NRG1: variants seen among roughly 807,000 people sequenced by gnomAD.
NRG1 encodes neuregulin 1, also known as pro-neuregulin-1, membrane-bound isoform.
In NRG1, 18 loss-of-function variants were observed where a neutral mutation model predicts 63.8. The observed-to-expected ratio is 0.28, with a 90% CI of 0.19 to 0.42. The LOEUF (loss-of-function observed/expected upper bound fraction) is 0.42. Ranked by LOEUF, NRG1 falls within the 10% of genes least tolerant of loss-of-function variation. The pLI is 1.00. For missense variants in NRG1, 762 were observed against 814.7 expected (o/e 0.94, Z 0.79); for synonymous variants, 302 against 301.3 (o/e 1.00, Z -0.02).
chr8:32,761,011 G>A (rs1326046976), intron 11 of NRG1: 1 of 985,350 alleles, frequency 1.0e-6, no homozygotes, highest in African/African-American at 1.7e-5. Context: ...CTTCACGGGT[G>A]GTTTTCAAAG....
exon 12 of NRG1, chr8:32,763,865 C>T (rs141325551): frequency 4.8e-5 from 77 of 1,613,972 alleles, no homozygotes; most frequent in Non-Finnish European, 6.3e-5. Context: ...TGACGGTGTC[C>T]ATGCCTTCCA....
At chr8:32,343,568 A>G (rs970998) in intron 1 of NRG1, among the ~76,000 whole-genome samples, 93,211 of 152,026 alleles carry the variant, frequency 0.61, 29,252 homozygotes, top group Non-Finnish European at 0.67. Context: ...TGACCTAATA[A>G]GCAGATTTGC....
chr8:32,674,369 T>G (rs1266000643), intron 5 of NRG1, among the ~76,000 whole-genome samples: 1 of 152,202 alleles, frequency 6.6e-6, no homozygotes, highest in Non-Finnish European at 1.5e-5. Flanking sequence ...ACCTGAATCT[T>G]TCCTCACCCT....
intron 1 of NRG1, among the ~76,000 whole-genome samples, chr8:31,766,143 G>A (rs1818031403): frequency 6.6e-6 from 1 of 151,868 alleles, no homozygotes; most frequent in Admixed American, 6.6e-5. Context: ...GTTCCACCAA[G>A]AAAACACACA....
At chr8:31,946,269 A>G (rs1393145806) in intron 1 of NRG1, among the ~76,000 whole-genome samples, 2 of 152,168 alleles carry the variant, frequency 1.3e-5, no homozygotes, top group African/African-American at 4.8e-5. Flanking sequence ...GCCCATTCTG[A>G]TTTCTCCTCA....
At chr8:32,675,676 G>T (rs960986444) in intron 5 of NRG1, among the ~76,000 whole-genome samples, 3 of 152,132 alleles carry the variant, frequency 2.0e-5, no homozygotes, top group East Asian at 3.9e-4. Flanking sequence ...TGAGATTGGG[G>T]AATAGAGATA....
intron 1 of NRG1, among the ~76,000 whole-genome samples, chr8:31,975,764 T>A (rs1051049079): frequency 9.9e-5 from 15 of 152,176 alleles, no homozygotes; most frequent in Admixed American, 9.2e-4. Context: ...GTCCCTGTAG[T>A]TAACAATTTT....
intron 1 of NRG1, among the ~76,000 whole-genome samples, chr8:32,577,578 A>G (rs753350420): frequency 6.1e-4 from 93 of 152,232 alleles, no homozygotes; most frequent in Non-Finnish European, 1.5e-4. Context: ...AAAACTTACG[A>G]AACTATAAAC....
chr8:32,548,358 C>T (rs1833363406), exon 1 of NRG1: 1 of 1,017,204 alleles, frequency 9.8e-7, no homozygotes, highest in African/African-American at 1.7e-5. Flanking sequence ...AGCTGAGCGG[C>T]GGCGGCTGCC....
chr8:32,640,620 GCACACACA>G (rs58796067), intron 5 of NRG1, among the ~76,000 whole-genome samples: 3,402 of 132,252 alleles, frequency 0.026, 102 homozygotes, highest in African/African-American at 0.082. Context: ...TCTCAGACCC[GCACACACA>G]CACACACACA....
intron 1 of NRG1, among the ~76,000 whole-genome samples, chr8:32,408,560 G>A (rs577529710): frequency 6.6e-6 from 1 of 151,856 alleles, no homozygotes; most frequent in African/African-American, 2.4e-5. Flanking sequence ...TGGTCTGGTG[G>A]CTACTGCAGA....
chr8:32,155,149 C>T (rs940448844), intron 1 of NRG1, among the ~76,000 whole-genome samples: 1 of 150,614 alleles, frequency 6.6e-6, no homozygotes, highest in Non-Finnish European at 1.5e-5. Context: ...TAACCTGAAA[C>T]TCAGTAAATG....
intron 1 of NRG1, among the ~76,000 whole-genome samples, chr8:32,032,925 A>C (rs1257300063): frequency 6.6e-6 from 1 of 151,964 alleles, no homozygotes; most frequent in Non-Finnish European, 1.5e-5. Flanking sequence ...TCTTTATTCC[A>C]TCTTGAGTTA....
intron 1 of NRG1, among the ~76,000 whole-genome samples, chr8:32,481,687 A>G (rs1587894969): frequency 6.6e-6 from 1 of 152,254 alleles, no homozygotes. Context: ...TATAGAGCTG[A>G]TAGGAGTCTG....
intron 1 of NRG1, among the ~76,000 whole-genome samples, chr8:31,830,330 C>T (rs1438347393): frequency 9.9e-6 from 1 of 101,416 alleles, no homozygotes; most frequent in Non-Finnish European, 2.0e-5. Context: ...TCCTTCCTTC[C>T]TTCCTTCCTT....
intron 1 of NRG1, among the ~76,000 whole-genome samples, chr8:31,980,931 C>G (rs1361586224): frequency 1.3e-5 from 2 of 151,858 alleles, no homozygotes; most frequent in African/African-American, 4.8e-5. Context: ...ATGTAAGTAG[C>G]AATCGAGGAA....
chr8:31,652,439 G>C (rs1335417449), intron 1 of NRG1, among the ~76,000 whole-genome samples: 1 of 152,186 alleles, frequency 6.6e-6, no homozygotes, highest in Non-Finnish European at 1.5e-5. Context: ...GTTGACATCA[G>C]GATAAAACTC....
intron 1 of NRG1, among the ~76,000 whole-genome samples, chr8:31,903,828 G>A (rs959966865): frequency 3.9e-5 from 6 of 152,036 alleles, no homozygotes; most frequent in Admixed American, 6.5e-5. Flanking sequence ...GGTGATGTGC[G>A]CCTGTAATCC....
intron 1 of NRG1, among the ~76,000 whole-genome samples, chr8:31,835,315 A>AAAATAGAACATGT (rs1207382274): frequency 3.9e-5 from 6 of 152,226 alleles, no homozygotes; most frequent in Non-Finnish European, 8.8e-5. Context: ...TTCATTCTGT[A>AAAATAGAACATGT]AAAATAGAAC....
Sources: allele counts gnomAD v4.1 joint callset (sites outside exome capture counted in the v4.1 genomes callset), GRCh38; gene constraint gnomAD v4.1.1; transcripts MANE v1.5; gene names NCBI Gene and HGNC (gene_info 2026-07-23, HGNC 2026-07-21).